COL28A1: variants seen among roughly 807,000 people sequenced by gnomAD.
COL28A1 encodes collagen alpha-1(XXVIII) chain.
In COL28A1, 161 loss-of-function variants were observed where a neutral mutation model predicts 150.2. That is an observed-to-expected ratio of 1.07 (90% confidence interval 0.94 to 1.22). The LOEUF (loss-of-function observed/expected upper bound fraction) is 1.22, where lower values mean the gene tolerates loss of function less well. Among genes scored for constraint, COL28A1 ranks in the 50% most tolerant of loss-of-function variants. The pLI is 0.00. For synonymous variants in COL28A1, 552 were observed against 469.7 expected, an observed-to-expected ratio of 1.18 and a Z score of -2.26; for missense variants, 1,617 against 1,388.3, an observed-to-expected ratio of 1.16 and a Z score of -2.62.
chr7:7,463,608 G>A (rs1787816385), intron 15 of COL28A1, among the ~76,000 whole-genome samples: 1 of 152,106 alleles, frequency 6.6e-6, no homozygotes, highest in Admixed American at 6.5e-5. Context: ...GTCTTTTTCA[G>A]ACAAACAAAT....
chr7:7,394,329 C>T (rs1392538019), intron 27 of COL28A1, among the ~76,000 whole-genome samples: 1 of 152,188 alleles, frequency 6.6e-6, no homozygotes, highest in Non-Finnish European at 1.5e-5. Context: ...AAATCACCAG[C>T]CTTCTGCATT....
chr7:7,436,377 A>T lies in COL28A1; in HGVS notation c.1860+18T>A. ...ATTTCAGATACAGAAAAACAAAAAG[A>T]ACATGAATAAAGCATACCTTTGGTC... On this transcript the variant is annotated intron_variant, in intron 23 of 34. Coordinates refer to ENST00000399429, the MANE Select transcript of COL28A1 (RefSeq NM_001037763.3). 8.7e-7 allele frequency: 1 copy of T among 1,151,234 alleles called. No individual in the cohort carries two copies. Among genetic ancestry groups the T allele is most frequent in the Non-Finnish European group, 1.3e-6 (1 of 757,524 alleles). 71.3% of individuals were successfully genotyped at this position (1,151,234 alleles called of 1,614,324 possible). A position where few individuals can be genotyped will look rare whatever the true frequency, so the allele number is the denominator to read the frequency against.
At chr7:7,538,093 C>T (rs1464572196), upstream of COL28A1, among the ~76,000 whole-genome samples, 1 of 152,100 alleles carries the variant, frequency 6.6e-6, no homozygotes, top group Middle Eastern at 3.2e-3. Flanking sequence ...AAAGATTTGC[C>T]ACCTCTCATT....
At chr7:7,476,768 T>G (rs1788922969) in intron 14 of COL28A1, among the ~76,000 whole-genome samples, 1 of 152,242 alleles carries the variant, frequency 6.6e-6, no homozygotes, top group South Asian at 2.1e-4. Context: ...AAAAAAGCTG[T>G]GAGCAAAGAA....
chr7:7,509,748 A>G (rs541259561), intron 9 of COL28A1, among the ~76,000 whole-genome samples: 1 of 152,030 alleles, frequency 6.6e-6, no homozygotes, highest in South Asian at 2.1e-4. Flanking sequence ...TTTTAATTTC[A>G]TCTAGTTTTC....
chr7:7,358,414 G>GTAGATTT lies in COL28A1; in HGVS notation c.*218_*219insAAATCTA. The GTAGATTT allele has an allele frequency of 2.3e-6, 1 of 437,544 alleles. No homozygotes were observed. The highest frequency in any genetic ancestry group is 4.2e-5 in the South Asian group (1 of 23,982). The allele number at this position is 437,544 out of a possible 1,614,324, so 27.1% of individuals were successfully genotyped here. ...CAGCTCTGAAACTTTTTAGTTGGGT[G>GTAGATTT]ACAGTTGACAAGTTACTAAACTTCT... is the stretch of plus-strand genomic sequence containing the variant. On this transcript the variant is annotated 3_prime_UTR_variant, in exon 35 of 35. Coordinates refer to ENST00000399429, the MANE Select transcript of COL28A1 (RefSeq NM_001037763.3).
At chr7:7,466,195 T>C (rs998347710) in intron 15 of COL28A1, among the ~76,000 whole-genome samples, 1 of 108,220 alleles carries the variant, frequency 9.2e-6, no homozygotes, top group African/African-American at 3.7e-5. Context: ...GCAAAGAAGT[T>C]GAAAACTTTG....
At position 7,506,109 on chromosome 7, in the gene COL28A1, AG is replaced by A. The variant is rs576363055; in HGVS notation, c.973-43del. On this transcript the variant is annotated intron_variant, in intron 10 of 34. Transcript: ENST00000399429. Reference sequence around the variant, plus strand: ...ACCAAGAATTAGTTCTGTGTACAAAAGGCCAGCAGGAATGAATCATTCTTTA... The same window carrying A: ...ACCAAGAATTAGTTCTGTGTACAAAAGCCAGCAGGAATGAATCATTCTTTA... 2,611 of 957,480 alleles carry A rather than the reference AG, an allele frequency of 2.7e-3. 10 individuals carry two copies. Among genetic ancestry groups the A allele is most frequent in the Non-Finnish European group, 3.7e-3 (2,162 of 579,846 alleles). 59.3% of individuals were successfully genotyped at this position (957,480 alleles called of 1,614,324 possible). A position where few individuals can be genotyped will look rare whatever the true frequency, so the allele number is the denominator to read the frequency against.
intron 21 of COL28A1, among the ~76,000 whole-genome samples, chr7:7,439,033 T>C (rs1358547172): frequency 2.0e-5 from 3 of 152,206 alleles, no homozygotes. Flanking sequence ...TGTCTAAACA[T>C]GACCCTCTAG....
At position 7,447,058 on chromosome 7, in the gene COL28A1, C is replaced by T. The variant is rs372367325; in HGVS notation, c.1510-2569G>A. Among the ~76,000 whole-genome samples the T allele has an allele frequency of 2.6e-5, 4 of 152,244 alleles. 1 individual carries two copies. The East Asian group carries it at 5.8e-4, about 22-fold the overall frequency. The stretch of plus-strand genomic sequence containing the variant: ...TCTACTGGCAAGAAATAAAACCTCA[C>T]AATTCTGAGGGCATAAATTGGAGTT... On this transcript the variant is annotated intron_variant, in intron 18 of 34. Transcript: ENST00000399429.
At chr7:7,480,055 C>CACTACAG (rs1177322327) in intron 13 of COL28A1, among the ~76,000 whole-genome samples, 1 of 152,214 alleles carries the variant, frequency 6.6e-6, no homozygotes, top group Non-Finnish European at 1.5e-5. Context: ...TAAACCAGCA[C>CACTACAG]ACTACAGACA....
downstream of COL28A1, among the ~76,000 whole-genome samples, chr7:7,355,230 A>C (rs1780319915): frequency 6.6e-6 from 1 of 152,160 alleles, no homozygotes. Context: ...CAATAAAGAA[A>C]ATCTTTCCTA....
chr7:7,448,933 T>C (rs1485975623), intron 18 of COL28A1, among the ~76,000 whole-genome samples: 5 of 152,016 alleles, frequency 3.3e-5, no homozygotes, highest in South Asian at 2.1e-4. Flanking sequence ...TAGCAGATAA[T>C]TGGAAAGCAG....
At chr7:7,519,926 A>C in intron 6 of COL28A1, 136 bp downstream of exon 6, 1 of 536,324 alleles carries the variant, frequency 1.9e-6, no homozygotes, top group Non-Finnish European at 3.3e-6. Flanking sequence ...TAGGAAGTGG[A>C]AATCCTGTAT....
intron 11 of COL28A1, among the ~76,000 whole-genome samples, chr7:7,494,125 A>T (rs1780074796): frequency 6.6e-6 from 1 of 152,216 alleles, no homozygotes; most frequent in Admixed American, 6.5e-5. Context: ...AGAAATTAAG[A>T]ACACCCATAC....
At chr7:7,476,966 A>C in intron 14 of COL28A1, 146 bp downstream of exon 14, 2 of 586,924 alleles carry the variant, frequency 3.4e-6, no homozygotes, top group South Asian at 5.2e-5. Flanking sequence ...ATTACAGGGA[A>C]ATTTACATAT....
intron 18 of COL28A1, among the ~76,000 whole-genome samples, chr7:7,449,454 T>TA (rs1333465319): frequency 1.3e-5 from 2 of 151,756 alleles, no homozygotes; most frequent in South Asian, 2.1e-4. Flanking sequence ...ACATCACACT[T>TA]AAGAGTGAAA....
intron 27 of COL28A1, among the ~76,000 whole-genome samples, chr7:7,390,716 T>C (rs1211856589): frequency 6.6e-6 from 1 of 152,218 alleles, no homozygotes; most frequent in East Asian, 1.9e-4. Flanking sequence ...TGGTTTGGGC[T>C]TGGAAGTGTG....
rs572766668 is a variant in COL28A1 at position 7,386,797 on chromosome 7, G to A, written c.2137-5185C>T. ...TGGGAAGGGAAGCACAGGTCCCACAGGTCGCAGTCTGTTTGTGCTGCTATA... is the reference window on the plus strand; with the variant it reads ...TGGGAAGGGAAGCACAGGTCCCACAAGTCGCAGTCTGTTTGTGCTGCTATA... On this transcript the variant is annotated intron_variant, in intron 27 of 34. Coordinates refer to ENST00000399429, the MANE Select transcript of COL28A1 (RefSeq NM_001037763.3). 3.3e-5 allele frequency among the ~76,000 whole-genome samples: 5 copies of A among 152,228 alleles called. No individual in the cohort carries two copies. The South Asian group carries it at 1.0e-3, about 32-fold the overall frequency.
Sources: gnomAD v4.1 joint callset for allele counts (sites outside exome capture counted in the v4.1 genomes callset) on GRCh38, gnomAD v4.1.1 for gene constraint, MANE v1.5 for transcripts, NCBI Gene and HGNC (gene_info 2026-07-23, HGNC 2026-07-21) for gene names.